Variants in PTGR1 observed in about 807,000 individuals in gnomAD.
PTGR1 encodes the protein 15-oxoprostaglandin 13-reductase.
PTGR1 carries 23 observed loss-of-function variants against 37.7 expected under a neutral mutation model. The observed-to-expected ratio is 0.61, with a 90% CI of 0.44 to 0.86. The LOEUF (loss-of-function observed/expected upper bound fraction) is 0.86, where lower values mean the gene tolerates loss of function less well. Ranked by LOEUF, PTGR1 falls within the 40% of genes least tolerant of loss-of-function variation. PTGR1 has a pLI of 0.00. For missense variants in PTGR1, 351 were observed against 394.3 expected (o/e 0.89, Z 0.93); for synonymous variants, 134 against 140.0 (o/e 0.96, Z 0.30).
intron 3 of PTGR1, among the ~76,000 whole-genome samples, chr9:111,593,437 G>C (rs1042211742): frequency 6.6e-6 from 1 of 152,108 alleles, no homozygotes; most frequent in African/African-American, 2.4e-5. Flanking sequence ...AAAGAATGAT[G>C]GCTATGTTAT....
At chr9:111,574,486 C>G in intron 8 of PTGR1, 1 of 223,442 alleles carries the variant, frequency 4.5e-6, no homozygotes, top group Non-Finnish European at 8.7e-6. Flanking sequence ...GTAGCTGGGA[C>G]TACAGGTGTA....
Position 111,583,493 on chromosome 9 carries a change from C to G in PTGR1, c.474G>C (p.Val158=). 1 of 1,613,008 alleles carries G rather than the reference C, an allele frequency of 6.2e-7. No individual in the cohort carries two copies. The highest frequency in any genetic ancestry group is 1.1e-5 in the South Asian group (1 of 91,050). Residue 158 remains valine (V), a synonymous_variant, in exon 6 of 10, where the codon GTG becomes GTC. Transcript: ENST00000407693. The part of the protein sequence containing the change: ...NAAAGAVGSV[V]GQIAKLKGCK... ...TTACCTTGAGCTTTGCAATCTGCCC[C>G]ACGACTGAGCCCACAGCTCCAGCTG...
At chr9:111,584,379 G>C (rs570062809) in intron 5 of PTGR1, among the ~76,000 whole-genome samples, 1 of 152,200 alleles carries the variant, frequency 6.6e-6, no homozygotes, top group South Asian at 2.1e-4. Context: ...GAGGGTACAG[G>C]GCGGGCAGGA....
intron 4 of PTGR1, chr9:111,589,352 C>T (rs915480243): frequency 1.1e-4 from 98 of 883,796 alleles, no homozygotes; most frequent in African/African-American, 1.0e-3. Context: ...GATCCATAGA[C>T]GATTTCTACC....
chr9:111,552,286 C>T (rs1564603568), intron 9 of PTGR1, among the ~76,000 whole-genome samples: 1 of 151,032 alleles, frequency 6.6e-6, no homozygotes, highest in African/African-American at 2.4e-5. Flanking sequence ...GATACATTGT[C>T]TTTTTTTTTC....
At chr9:111,580,851 T>C (rs944118660) in intron 6 of PTGR1, among the ~76,000 whole-genome samples, 1 of 152,156 alleles carries the variant, frequency 6.6e-6, no homozygotes, top group African/African-American at 2.4e-5. Flanking sequence ...AGTGGACTTC[T>C]TGTTTCTAGC....
At chr9:111,577,391 A>G (rs1314834876) in intron 7 of PTGR1, 1 of 152,184 alleles carries the variant, frequency 6.6e-6, no homozygotes, top group Non-Finnish European at 1.5e-5. Flanking sequence ...CCACTTTGCA[A>G]AACAGTTTGA....
chr9:111,585,696 T>A (rs1446189765), intron 5 of PTGR1, among the ~76,000 whole-genome samples: 1 of 152,234 alleles, frequency 6.6e-6, no homozygotes, highest in East Asian at 1.9e-4. Context: ...TATTTGCCTT[T>A]CTGTGCCTGG....
intron 6 of PTGR1, 99 bp downstream of exon 6, chr9:111,583,373 G>A (rs1439208932): frequency 1.0e-6 from 1 of 964,334 alleles, no homozygotes; most frequent in African/African-American, 1.6e-5. Context: ...AAGACAACTA[G>A]ACTATAAACT....
intron 7 of PTGR1, chr9:111,576,280 A>G: frequency 1.4e-6 from 2 of 1,403,170 alleles, no homozygotes; most frequent in South Asian, 1.2e-5. Context: ...AGTGGATTTC[A>G]TATTTGCATA....
At chr9:111,576,549 C>T in intron 7 of PTGR1, 1 of 1,169,972 alleles carries the variant, frequency 8.5e-7, no homozygotes, top group South Asian at 1.5e-5. Flanking sequence ...GGGGTATTAG[C>T]TAGTGGAGTG....
chr9:111,572,427 A>G (rs1200343627), intron 8 of PTGR1, among the ~76,000 whole-genome samples: 3 of 152,120 alleles, frequency 2.0e-5, no homozygotes, highest in East Asian at 1.9e-4. Context: ...TGTCTCTACT[A>G]AAAATAAAAA....
chr9:111,598,495 A>T (rs11787569), intron 1 of PTGR1, among the ~76,000 whole-genome samples: 21,827 of 151,826 alleles, frequency 0.14, 2,032 homozygotes, highest in Non-Finnish European at 0.22. Context: ...TTCTTTTTTT[A>T]AAATTAAGAC....
intron 2 of PTGR1, among the ~76,000 whole-genome samples, chr9:111,597,074 C>G (rs1478727151): frequency 6.6e-6 from 1 of 152,122 alleles, no homozygotes; most frequent in African/African-American, 2.4e-5. Context: ...GGCATGCACC[C>G]CAACAGAAAG....
chr9:111,556,729 T>G (rs1160727975), intron 9 of PTGR1, among the ~76,000 whole-genome samples: 1 of 152,176 alleles, frequency 6.6e-6, no homozygotes, highest in African/African-American at 2.4e-5. Context: ...ATCTGGTTGT[T>G]TAGAAGTGTG....
intron 1 of PTGR1, among the ~76,000 whole-genome samples, chr9:111,598,075 G>C (rs1196602331): frequency 6.6e-6 from 1 of 151,282 alleles, no homozygotes; most frequent in Non-Finnish European, 1.5e-5. Flanking sequence ...CGATCCGCCC[G>C]CCTCGGTCTC....
chr9:111,560,964 TATATATATATAG>T (rs1376648554), downstream of PTGR1, among the ~76,000 whole-genome samples: 1 of 48,510 alleles, frequency 2.1e-5, no homozygotes, highest in African/African-American at 8.9e-5. Flanking sequence ...TATATATATA[TATATATATATAG>T]AGAGAGAGAG....
At chr9:111,598,033 T>A (rs1829836768) in intron 1 of PTGR1, among the ~76,000 whole-genome samples, 1 of 151,986 alleles carries the variant, frequency 6.6e-6, no homozygotes, top group Non-Finnish European at 1.5e-5. Flanking sequence ...CTCTCTTTTC[T>A]TGTAGAGAGG....
chr9:111,558,875 A>G (rs1476858684), downstream of PTGR1, among the ~76,000 whole-genome samples: 6 of 152,066 alleles, frequency 3.9e-5, no homozygotes, highest in Non-Finnish European at 8.8e-5. Flanking sequence ...ACAGTGAGAA[A>G]CTCTGGCTTC....
Sources: gnomAD v4.1 joint callset for allele counts (sites outside exome capture counted in the v4.1 genomes callset) on GRCh38, gnomAD v4.1.1 for gene constraint, MANE v1.5 for transcripts, NCBI Gene and HGNC (gene_info 2026-07-23, HGNC 2026-07-21) for gene names.